Variants in ITGA1 observed in about 807,000 individuals in gnomAD.
The protein encoded by ITGA1 is integrin subunit alpha 1, also known as integrin alpha-1.
ITGA1 carries 85 observed loss-of-function variants against 145.9 expected under a neutral mutation model. That is an observed-to-expected ratio of 0.58 (90% confidence interval 0.49 to 0.70). The LOEUF is 0.70. Ranked by LOEUF, ITGA1 falls within the 30% of genes least tolerant of loss-of-function variation. The pLI, the probability that ITGA1 is intolerant of heterozygous loss-of-function variation, is 0.00. For synonymous variants in ITGA1, 520 were observed against 495.3 expected (o/e 1.05, Z -0.66); for missense variants, 1,351 against 1,418.7 (o/e 0.95, Z 0.77).
chr5:52,877,561 T>G (rs1561234800), intron 6 of ITGA1, among the ~76,000 whole-genome samples: 1 of 152,204 alleles, frequency 6.6e-6, no homozygotes, highest in Non-Finnish European at 1.5e-5. Context: ...TCAAAAGTTA[T>G]TACTCCTTCC....
At chr5:52,866,464 G>T (rs953209241) in intron 6 of ITGA1, among the ~76,000 whole-genome samples, 2 of 152,112 alleles carry the variant, frequency 1.3e-5, no homozygotes, top group African/African-American at 4.8e-5. Flanking sequence ...TCAGAGCCGG[G>T]TGTCAGAGTT....
rs550546375 is a variant in ITGA1 at position 52,913,952 on chromosome 5, T to G, written c.1858-1512T>G. Among the ~76,000 whole-genome samples the G allele has an allele frequency of 5.7e-3, 869 of 152,338 alleles. 6 individuals are homozygous for G. Among genetic ancestry groups the G allele is most frequent in the Non-Finnish European group, 7.3e-3 (499 of 68,026 alleles). ...ACAAGAGACAGGCAATATTAATGAC[T>G]GGGGCATGATGGAATTAGGAAATGC... On this transcript the variant is annotated intron_variant, in intron 14 of 28. Transcript: ENST00000282588.
chr5:52,796,007 A>G (rs1333791803), intron 1 of ITGA1, among the ~76,000 whole-genome samples: 1 of 152,008 alleles, frequency 6.6e-6, no homozygotes, highest in Non-Finnish European at 1.5e-5. Context: ...TCAGATTTGA[A>G]AGATAGCACG....
chr5:52,886,514 C>A (rs74919815), intron 7 of ITGA1, among the ~76,000 whole-genome samples: 4,051 of 152,198 alleles, frequency 0.027, 205 homozygotes, highest in African/African-American at 0.094. Flanking sequence ...CTAAATGGAC[C>A]ATTCAGTACA....
intron 27 of ITGA1, among the ~76,000 whole-genome samples, chr5:52,945,280 A>G (rs1323007501): frequency 6.6e-6 from 1 of 152,180 alleles, no homozygotes; most frequent in African/African-American, 2.4e-5. Context: ...TTTATCACTT[A>G]TAACTATCAC....
chr5:52,832,781 G>GTGTGTGTGTC (rs1554042246), intron 1 of ITGA1, among the ~76,000 whole-genome samples: 36 of 142,600 alleles, frequency 2.5e-4, no homozygotes, highest in East Asian at 1.0e-3. Flanking sequence ...GTGTGTGTGT[G>GTGTGTGTGTC]TGTGTGTGTG....
intron 19 of ITGA1, among the ~76,000 whole-genome samples, chr5:52,927,160 C>T (rs950905675): frequency 6.6e-6 from 1 of 152,130 alleles, no homozygotes; most frequent in Non-Finnish European, 1.5e-5. Context: ...AACAGTGGTG[C>T]AGTCAGGGTT....
intron 15 of ITGA1, among the ~76,000 whole-genome samples, chr5:52,915,933 GT>G (rs1750640338): frequency 6.6e-6 from 1 of 152,098 alleles, no homozygotes; most frequent in Admixed American, 6.6e-5. Flanking sequence ...TGCTTACAAG[GT>G]TTTAGAGATA....
intron 1 of ITGA1, among the ~76,000 whole-genome samples, chr5:52,789,275 G>C (rs1031275721): frequency 6.6e-6 from 1 of 152,106 alleles, no homozygotes; most frequent in African/African-American, 2.4e-5. Context: ...AAAGTGTATC[G>C]ATAGAATCTC....
At chr5:52,795,234 G>A (rs189097106) in intron 1 of ITGA1, among the ~76,000 whole-genome samples, 11 of 152,014 alleles carry the variant, frequency 7.2e-5, no homozygotes, top group Admixed American at 5.9e-4. Flanking sequence ...AAGGTAGTAA[G>A]TCTCTGCCTT....
At chr5:52,922,122 G>A (rs1227273625) in intron 17 of ITGA1, among the ~76,000 whole-genome samples, 3 of 152,054 alleles carry the variant, frequency 2.0e-5, no homozygotes, top group Non-Finnish European at 2.9e-5. Context: ...CCAACGTGGT[G>A]AAACCCCGTC....
intron 1 of ITGA1, among the ~76,000 whole-genome samples, chr5:52,819,327 A>G (rs997694029): frequency 6.6e-6 from 1 of 152,090 alleles, no homozygotes; most frequent in African/African-American, 2.4e-5. Flanking sequence ...TGACTTTTTA[A>G]TGATCGCCAT....
At chr5:52,917,631 C>G (rs1750667012) in intron 15 of ITGA1, among the ~76,000 whole-genome samples, 1 of 148,374 alleles carries the variant, frequency 6.7e-6, no homozygotes, top group South Asian at 2.2e-4. Context: ...GAAAGCTGTT[C>G]ATTGTAATAT....
At chr5:52,794,500 TACACACACACACACAC>T (rs56996823) in intron 1 of ITGA1, among the ~76,000 whole-genome samples, 1 of 141,832 alleles carries the variant, frequency 7.1e-6, no homozygotes, top group African/African-American at 2.6e-5. Flanking sequence ...CAAATAGAAA[TACACACACACACACAC>T]ACACACACAC....
rs1750788483 is a variant in ITGA1 at position 52,925,327 on chromosome 5, T to G, written c.2453T>G (p.Leu818Arg). The G allele has an allele frequency of 3.7e-6, 6 of 1,614,000 alleles. No individual in the cohort carries two copies. Among genetic ancestry groups the G allele is most frequent in the Non-Finnish European group, 4.2e-6 (5 of 1,179,988 alleles). Reference sequence around the variant, plus strand: ...AATAAGGAAAAATGTATCTCAGACCTCAGCCTGCATGTCGCCACCACTGAA... The same window carrying G: ...AATAAGGAAAAATGTATCTCAGACCGCAGCCTGCATGTCGCCACCACTGAA... The part of the protein sequence containing the change: ...CGNKEKCISD[L>R]SLHVATTEKD... Residue 818 changes from leucine to arginine, a missense_variant, in exon 19 of 29, where the codon CTC (leucine) becomes CGC (arginine). By Grantham distance (102) the Leu-to-Arg change is moderately radical. Coordinates refer to ENST00000282588, the MANE Select transcript of ITGA1 (RefSeq NM_181501.2).
chr5:52,920,932 C>G lies in ITGA1; in HGVS notation c.2292+464C>G, dbSNP rs373079668. On this transcript the variant is annotated intron_variant, in intron 17 of 28. Transcript: ENST00000282588. ...CATATCTCGCCGTTTGATTTTAGAG[C>G]GAAGGGGAAAATTATCTGGTATTTT... Among the ~76,000 whole-genome samples the G allele has an allele frequency of 6.9e-4, 105 of 151,568 alleles. 1 individual carries two copies. Among genetic ancestry groups the G allele is most frequent in the African/African-American group, 2.4e-3 (100 of 41,264 alleles).
At chr5:52,817,285 C>T (rs774828599) in intron 1 of ITGA1, among the ~76,000 whole-genome samples, 1 of 152,120 alleles carries the variant, frequency 6.6e-6, no homozygotes, top group Non-Finnish European at 1.5e-5. Flanking sequence ...CAACTAGGTC[C>T]TGGATTCTAC....
chr5:52,874,029 T>C (rs772255913), intron 6 of ITGA1, among the ~76,000 whole-genome samples: 38 of 152,038 alleles, frequency 2.5e-4, no homozygotes, highest in Admixed American at 1.1e-3. Context: ...TGAGTTTCTG[T>C]TGCTATAACA....
chr5:52,881,526 A>C (rs1749959452), intron 6 of ITGA1, among the ~76,000 whole-genome samples: 1 of 152,090 alleles, frequency 6.6e-6, no homozygotes, highest in Non-Finnish European at 1.5e-5. Context: ...CACGTGTTTA[A>C]TCTCTCTCTC....
Sources: gnomAD v4.1 joint callset for allele counts (sites outside exome capture counted in the v4.1 genomes callset) on GRCh38, gnomAD v4.1.1 for gene constraint, MANE v1.5 for transcripts, NCBI Gene and HGNC (gene_info 2026-07-23, HGNC 2026-07-21) for gene names.